The following CTNND2 variants were observed in gnomAD, a reference collection of about 807,000 sequenced individuals.
CTNND2 encodes the protein catenin delta 2.
A neutral mutation model predicts 144.4 loss-of-function variants in CTNND2; 22 were observed. That is an observed-to-expected ratio of 0.15 (90% CI 0.11 to 0.22). The LOEUF is 0.22. CTNND2 is among the 10% of genes least tolerant of loss of function. The pLI is 1.00. For missense variants in CTNND2, 1,353 were observed against 1,618.8 expected, an observed-to-expected ratio of 0.84 and a Z score of 2.82; for synonymous variants, 751 against 695.6, an observed-to-expected ratio of 1.08 and a Z score of -1.25.
intron 7 of CTNND2, among the ~76,000 whole-genome samples, chr5:11,369,028 C>T (rs1306776304): frequency 6.6e-6 from 1 of 152,168 alleles, no homozygotes; most frequent in Non-Finnish European, 1.5e-5. Flanking sequence ...TACCTCTTAC[C>T]ATAAACTATC....
chr5:11,848,243 G>A (rs114551928), intron 1 of CTNND2, among the ~76,000 whole-genome samples: 4,568 of 152,066 alleles, frequency 0.03, 99 homozygotes, highest in Non-Finnish European at 0.045. Context: ...AAAAAAGTAC[G>A]TCTTTCAAGA....
intron 1 of CTNND2, among the ~76,000 whole-genome samples, chr5:11,902,150 G>A (rs965157988): frequency 1.3e-5 from 2 of 152,162 alleles, no homozygotes; most frequent in South Asian, 2.1e-4. Context: ...AACTCCGAAT[G>A]TAATCGTCTT....
chr5:11,153,348 A>C (rs1757924517), intron 12 of CTNND2, among the ~76,000 whole-genome samples: 1 of 152,222 alleles, frequency 6.6e-6, no homozygotes, highest in African/African-American at 2.4e-5. Context: ...TTTGGGGCTC[A>C]TGATACAACA....
At chr5:11,465,834 A>G (rs989767580) in intron 3 of CTNND2, among the ~76,000 whole-genome samples, 4 of 152,182 alleles carry the variant, frequency 2.6e-5, no homozygotes, top group African/African-American at 9.7e-5. Flanking sequence ...GTGTTGCAGT[A>G]ATTTACTTGG....
rs568518967 is a variant in CTNND2 at position 11,579,934 on chromosome 5, A to G, written c.175-14878T>C. 3.3e-5 allele frequency among the ~76,000 whole-genome samples: 5 copies of G among 152,224 alleles called. No homozygotes were observed. In the South Asian group the frequency reaches 1.0e-3, roughly 32 times the overall value. On this transcript the variant is annotated intron_variant, in intron 2 of 21. Coordinates refer to ENST00000304623, the MANE Select transcript of CTNND2 (RefSeq NM_001332.4). ...CAGCTGTTCCCTACATATTGGGCCA[A>G]TTTTTTCCCAAACAATTTTCCCTTG...
chr5:11,069,166 G>A (rs1580193738), intron 16 of CTNND2, among the ~76,000 whole-genome samples: 1 of 152,208 alleles, frequency 6.6e-6, no homozygotes, highest in Non-Finnish European at 1.5e-5. Context: ...TATTCCTAAA[G>A]AGTGATCAGG....
chr5:11,360,522 A>T (rs1346039129), intron 8 of CTNND2, among the ~76,000 whole-genome samples: 2 of 152,130 alleles, frequency 1.3e-5, no homozygotes, highest in Non-Finnish European at 2.9e-5. Context: ...GGTAGAGCGT[A>T]CAGCTGTAGC....
At chr5:11,577,022 C>T (rs563296306) in intron 2 of CTNND2, among the ~76,000 whole-genome samples, 111 of 152,234 alleles carry the variant, frequency 7.3e-4, no homozygotes, top group African/African-American at 2.6e-3. Flanking sequence ...ATGCCGAGAG[C>T]GTGCCATCTT....
chr5:11,575,287 C>G (rs183218055), intron 2 of CTNND2, among the ~76,000 whole-genome samples: 4 of 152,130 alleles, frequency 2.6e-5, no homozygotes, highest in South Asian at 4.1e-4. Context: ...GGATGGATGC[C>G]TTACTTGACC....
chr5:11,223,668 C>T (rs987814542), intron 10 of CTNND2, among the ~76,000 whole-genome samples: 2 of 152,120 alleles, frequency 1.3e-5, no homozygotes, highest in African/African-American at 4.8e-5. Flanking sequence ...AGGAGAGGTG[C>T]TCATTTGGCA....
chr5:11,183,937 C>G (rs1735368810), intron 11 of CTNND2, among the ~76,000 whole-genome samples: 1 of 152,140 alleles, frequency 6.6e-6, no homozygotes, highest in African/African-American at 2.4e-5. Context: ...TTCTCTCAAA[C>G]TCTTTTCTTT....
chr5:11,431,767 C>G (rs1763308152), intron 3 of CTNND2, among the ~76,000 whole-genome samples: 1 of 152,028 alleles, frequency 6.6e-6, no homozygotes, highest in South Asian at 2.1e-4. Flanking sequence ...AAAGAACCAC[C>G]CAGACATGCC....
intron 13 of CTNND2, 152 bp from the exon 14 acceptor site, chr5:11,111,195 T>C (rs1292554781): frequency 1.3e-6 from 1 of 744,574 alleles, no homozygotes; most frequent in Admixed American, 3.0e-5. Context: ...ATGGCCACAG[T>C]GGAAAACAAT....
At chr5:11,350,529 C>G (rs933253152) in intron 8 of CTNND2, among the ~76,000 whole-genome samples, 2 of 152,042 alleles carry the variant, frequency 1.3e-5, no homozygotes, top group Admixed American at 6.5e-5. Flanking sequence ...TAGTTTCAGC[C>G]TTGTCAAATG....
intron 9 of CTNND2, among the ~76,000 whole-genome samples, chr5:11,297,041 TAATG>T (rs894111966): frequency 1.1e-4 from 16 of 152,334 alleles, no homozygotes; most frequent in African/African-American, 3.8e-4. Flanking sequence ...TTAATAATAT[TAATG>T]AATATGACTT....
intron 2 of CTNND2, among the ~76,000 whole-genome samples, chr5:11,730,356 TC>T (rs1787313281): frequency 6.6e-6 from 1 of 152,234 alleles, no homozygotes; most frequent in South Asian, 2.1e-4. Context: ...GTTCTAATTT[TC>T]TTCCAGATGT....
At chr5:11,801,855 A>T (rs1791699936) in intron 1 of CTNND2, among the ~76,000 whole-genome samples, 1 of 152,228 alleles carries the variant, frequency 6.6e-6, no homozygotes, top group Admixed American at 6.5e-5. Flanking sequence ...CAAAATAAGC[A>T]ATTGCATTCT....
chr5:11,769,602 G>A (rs995914120), intron 1 of CTNND2, among the ~76,000 whole-genome samples: 3 of 152,076 alleles, frequency 2.0e-5, no homozygotes, highest in Non-Finnish European at 4.4e-5. Context: ...CACTGAAACA[G>A]ACACTTAATT....
chr5:11,401,898 A>T (rs1373515778), intron 5 of CTNND2, among the ~76,000 whole-genome samples: 1 of 152,244 alleles, frequency 6.6e-6, no homozygotes, highest in Admixed American at 6.5e-5. Context: ...AGTGCTTGGA[A>T]AAATTTTAAC....
Sources: allele counts gnomAD v4.1 joint callset (sites outside exome capture counted in the v4.1 genomes callset), GRCh38; gene constraint gnomAD v4.1.1; transcripts MANE v1.5; gene names NCBI Gene and HGNC (gene_info 2026-07-23, HGNC 2026-07-21).